Variants in AP3S1 observed in about 807,000 individuals in gnomAD.
AP3S1 encodes AP-3 complex subunit sigma-1.
Under a neutral mutation model 21.3 loss-of-function variants are expected in AP3S1, and 12 were observed. The observed-to-expected ratio is 0.56, with a 90% CI of 0.36 to 0.91. AP3S1 has a LOEUF of 0.91. AP3S1 is among the 40% of genes least tolerant of loss of function. AP3S1 has a pLI of 0.01. For synonymous variants in AP3S1, 48 were observed against 78.4 expected, an observed-to-expected ratio of 0.61 and a Z score of 2.05; for missense variants, 116 against 225.0, an observed-to-expected ratio of 0.52 and a Z score of 3.10.
At chr5:115,909,235 G>A (rs1030955133) in intron 5 of AP3S1, among the ~76,000 whole-genome samples, 2 of 152,098 alleles carry the variant, frequency 1.3e-5, no homozygotes, top group East Asian at 1.9e-4. Flanking sequence ...CAGGGTCTTC[G>A]AAATACATTT....
Position 115,866,136 on chromosome 5 carries a change from G to A in AP3S1, c.70-534G>A, listed in dbSNP as rs531717233. 1.6e-4 allele frequency among the ~76,000 whole-genome samples: 25 copies of A among 152,232 alleles called. No individual in the cohort carries two copies. In the South Asian group the frequency reaches 4.6e-3, roughly 28 times the overall value. Reference sequence around the variant, plus strand: ...ACTGGAATATGAATTGCTTGGTCCAGGTTAATAAATGTTTATTGACCCAAT... The same window carrying A: ...ACTGGAATATGAATTGCTTGGTCCAAGTTAATAAATGTTTATTGACCCAAT... On this transcript the variant is annotated intron_variant, in intron 1 of 5. Transcript: ENST00000316788.
intron 3 of AP3S1, among the ~76,000 whole-genome samples, chr5:115,883,564 C>T (rs1208277224): frequency 6.6e-6 from 1 of 152,162 alleles, no homozygotes; most frequent in African/African-American, 2.4e-5. Flanking sequence ...ATGAGATGAG[C>T]CAGGTACCTC....
intron 5 of AP3S1, among the ~76,000 whole-genome samples, chr5:115,905,941 A>C (rs913133944): frequency 6.6e-6 from 1 of 152,322 alleles, no homozygotes; most frequent in East Asian, 1.9e-4. Flanking sequence ...TGCTCACCTG[A>C]GGTCAGGAGT....
intron 1 of AP3S1, among the ~76,000 whole-genome samples, chr5:115,852,667 T>C (rs1580618581): frequency 6.6e-6 from 1 of 152,142 alleles, no homozygotes; most frequent in East Asian, 1.9e-4. Flanking sequence ...CTGTTTTGTT[T>C]CCTTAGATTT....
chr5:115,850,270 G>A (rs1192559390), intron 1 of AP3S1, among the ~76,000 whole-genome samples: 1 of 152,092 alleles, frequency 6.6e-6, no homozygotes, highest in Non-Finnish European at 1.5e-5. Context: ...AAGAGTACTA[G>A]TTGATTCTAC....
At chr5:115,872,843 G>A (rs1299290047) in intron 3 of AP3S1, among the ~76,000 whole-genome samples, 1 of 152,082 alleles carries the variant, frequency 6.6e-6, no homozygotes, top group Non-Finnish European at 1.5e-5. Flanking sequence ...TTATCATTAT[G>A]TCAAGAGAGC....
chr5:115,889,066 A>C (rs1167692070), intron 3 of AP3S1, among the ~76,000 whole-genome samples: 1 of 152,070 alleles, frequency 6.6e-6, no homozygotes, highest in Admixed American at 6.5e-5. Context: ...CTCTATAGGC[A>C]ACCCATGTTT....
intron 5 of AP3S1, among the ~76,000 whole-genome samples, chr5:115,911,271 C>T (rs568134210): frequency 6.6e-6 from 1 of 151,892 alleles, no homozygotes; most frequent in Non-Finnish European, 1.5e-5. Context: ...ACATTTAATA[C>T]TGAAAACATT....
At chr5:115,889,638 A>G (rs558199222) in intron 3 of AP3S1, among the ~76,000 whole-genome samples, 20 of 152,318 alleles carry the variant, frequency 1.3e-4, no homozygotes, top group African/African-American at 4.8e-4. Flanking sequence ...TGGCAAAGGT[A>G]TTTGTAATAC....
chr5:115,869,694 C>G (rs1269063787), intron 2 of AP3S1, among the ~76,000 whole-genome samples: 1 of 151,638 alleles, frequency 6.6e-6, no homozygotes, highest in African/African-American at 2.4e-5. Flanking sequence ...CAGTGTAACA[C>G]TTGCCACTAT....
intron 5 of AP3S1, among the ~76,000 whole-genome samples, chr5:115,907,551 A>G (rs1168089367): frequency 6.6e-6 from 1 of 152,208 alleles, no homozygotes; most frequent in Non-Finnish European, 1.5e-5. Flanking sequence ...GAATGCTCGA[A>G]AAATGGAATT....
chr5:115,845,610 G>A (rs1259938960), intron 1 of AP3S1, among the ~76,000 whole-genome samples: 1 of 152,028 alleles, frequency 6.6e-6, no homozygotes, highest in East Asian at 1.9e-4. Context: ...AAGGCAGGCG[G>A]ATCACCTGAG....
chr5:115,870,210 TA>T, intron 3 of AP3S1, 82 bp downstream of exon 3: 1 of 825,406 alleles, frequency 1.2e-6, no homozygotes, highest in Non-Finnish European at 1.9e-6. Context: ...CTAAATTTTC[TA>T]AAATGATGTT....
chr5:115,886,457 C>T (rs1561508866), intron 3 of AP3S1, among the ~76,000 whole-genome samples: 1 of 152,048 alleles, frequency 6.6e-6, no homozygotes, highest in Non-Finnish European at 1.5e-5. Flanking sequence ...TATGATGAAC[C>T]ATTTCCACTA....
At chr5:115,866,346 A>G (rs982470304) in intron 1 of AP3S1, among the ~76,000 whole-genome samples, 2 of 152,222 alleles carry the variant, frequency 1.3e-5, no homozygotes, top group Non-Finnish European at 2.9e-5. Flanking sequence ...CATTTGTAAG[A>G]TAATCAGCTT....
intron 1 of AP3S1, among the ~76,000 whole-genome samples, chr5:115,853,181 G>A (rs1268077078): frequency 1.3e-5 from 2 of 152,134 alleles, no homozygotes; most frequent in Non-Finnish European, 2.9e-5. Context: ...TGGGTATCAA[G>A]TAGTATCTTA....
chr5:115,853,717 T>C (rs1762605913), intron 1 of AP3S1, among the ~76,000 whole-genome samples: 1 of 152,196 alleles, frequency 6.6e-6, no homozygotes, highest in Non-Finnish European at 1.5e-5. Context: ...TTGATTATTC[T>C]TTCCCTATTG....
Position 115,908,103 on chromosome 5 carries a change from A to G in AP3S1, c.453+5111A>G, listed in dbSNP as rs555913113. ...TGTTTGAGAAGAAGTAGCAACATAC[A>G]GGTGGCTTTATAGTATCTTATTTTG... On this transcript the variant is annotated intron_variant, in intron 5 of 5. Transcript: ENST00000316788. Among the ~76,000 whole-genome samples, 3 of 152,262 alleles carry G rather than the reference A, an allele frequency of 2.0e-5. No individual in the cohort carries two copies. The South Asian group carries it at 6.2e-4, about 32-fold the overall frequency.
In AP3S1 at chr5:115,913,344, A is replaced by G. The variant is rs764151267; in HGVS notation, c.454-18A>G. 7.5e-5 allele frequency: 119 copies of G among 1,589,782 alleles called. No homozygotes were observed. Among genetic ancestry groups the G allele is most frequent in the Non-Finnish European group, 1.0e-4 (117 of 1,172,132 alleles). On this transcript the variant is annotated intron_variant, in intron 5 of 5. Transcript: ENST00000316788. ...GAGTTGTACATTTTCTTTTTCTTTT[A>G]TTTGCTTCTGTATACAGGCTGGCTT...
Sources: allele counts gnomAD v4.1 joint callset (sites outside exome capture counted in the v4.1 genomes callset), GRCh38; gene constraint gnomAD v4.1.1; transcripts MANE v1.5; gene names NCBI Gene and HGNC (gene_info 2026-07-23, HGNC 2026-07-21).